LARGE1: variants seen among roughly 807,000 people sequenced by gnomAD.
LARGE1 encodes the protein xylosyl- and glucuronyltransferase LARGE1.
Under a neutral mutation model 87.6 loss-of-function variants are expected in LARGE1, and 43 were observed. That is an observed-to-expected ratio of 0.49 (90% CI 0.38 to 0.63). The LOEUF (loss-of-function observed/expected upper bound fraction) is 0.63, where lower values mean the gene tolerates loss of function less well. LARGE1 is among the 30% of genes least tolerant of loss of function. The pLI is 0.00. For synonymous variants in LARGE1, 434 were observed against 394.6 expected, an observed-to-expected ratio of 1.10 and a Z score of -1.18; for missense variants, 802 against 1,000.2, an observed-to-expected ratio of 0.80 and a Z score of 2.67.
In LARGE1 at chr22:33,588,083, G is replaced by A. The variant is rs16992591; in HGVS notation, c.615+16352C>T. 5.7e-3 allele frequency among the ~76,000 whole-genome samples: 870 copies of A among 152,276 alleles called. 11 individuals carry two copies. The highest frequency in any genetic ancestry group is 0.019 in the African/African-American group (810 of 41,540). On this transcript the variant is annotated intron_variant, in intron 5 of 14. Transcript: ENST00000397394. ...GGAATCCTCCGTGCTGAATGAAACA[G>A]CCTCAAAATTCTTACCAAGACTTCT... is the stretch of plus-strand genomic sequence containing the variant.
chr22:33,204,188 T>C (rs572089675), intron 11 of LARGE1, among the ~76,000 whole-genome samples: 1 of 152,134 alleles, frequency 6.6e-6, no homozygotes, highest in Non-Finnish European at 1.5e-5. Context: ...AGAGAAGAAG[T>C]ACCCGAATTG....
chr22:33,744,152 TCTC>T (rs2083993171), intron 2 of LARGE1: 1 of 152,210 alleles, frequency 6.6e-6, no homozygotes, highest in East Asian at 1.9e-4. Flanking sequence ...CAATACATGA[TCTC>T]CTCAAAAACG....
chr22:33,613,782 GCAC>G (rs1747031842), intron 4 of LARGE1, among the ~76,000 whole-genome samples: 4 of 152,226 alleles, frequency 2.6e-5, no homozygotes. Context: ...AGCTCCCAGA[GCAC>G]CACCTGACAC....
At chr22:33,403,873 C>T (rs947763277) in intron 7 of LARGE1, among the ~76,000 whole-genome samples, 6 of 152,190 alleles carry the variant, frequency 3.9e-5, no homozygotes, top group Non-Finnish European at 8.8e-5. Context: ...GTTGGGATTA[C>T]AGGCGTGAGC....
intron 1 of LARGE1, among the ~76,000 whole-genome samples, chr22:33,784,206 G>C (rs1437684257): frequency 2.0e-5 from 3 of 152,116 alleles, no homozygotes; most frequent in Non-Finnish European, 2.9e-5. Flanking sequence ...ATTACGACTT[G>C]CAGTAGTATT....
chr22:33,484,911 G>GTT (rs545498648), intron 6 of LARGE1, among the ~76,000 whole-genome samples: 2,691 of 130,334 alleles, frequency 0.021, 113 homozygotes, highest in African/African-American at 0.072. Flanking sequence ...TAATGAGGTG[G>GTT]TTTTTTTTTT....
intron 2 of LARGE1, among the ~76,000 whole-genome samples, chr22:33,711,550 T>C (rs2149404100): frequency 6.6e-6 from 1 of 152,322 alleles, no homozygotes; most frequent in South Asian, 2.1e-4. Flanking sequence ...ACAGGAAAAC[T>C]GCCTGCTACC....
At chr22:33,282,830 A>G (rs547672135) in intron 13 of LARGE1, among the ~76,000 whole-genome samples, 5 of 152,178 alleles carry the variant, frequency 3.3e-5, no homozygotes, top group Non-Finnish European at 5.9e-5. Context: ...TACCAGACGA[A>G]TGAATGGACA....
At chr22:33,087,663 G>T in the LARGE1 span, among the ~76,000 whole-genome samples, 2 of 152,144 alleles carry the variant, frequency 1.3e-5, no homozygotes, top group African/African-American at 2.4e-5. Context: ...GGCCGGGCGT[G>T]GTGGCTCAGA....
the LARGE1 span, among the ~76,000 whole-genome samples, chr22:33,104,939 C>T: frequency 1.4e-5 from 2 of 141,600 alleles, no homozygotes; most frequent in East Asian, 2.1e-4. Context: ...TTCTTTCTTT[C>T]TTTCTTTCTC....
At chr22:33,153,531 G>T in the LARGE1 span, among the ~76,000 whole-genome samples, 1 of 152,180 alleles carries the variant, frequency 6.6e-6, no homozygotes, top group Non-Finnish European at 1.5e-5. Context: ...CTTAAGGTTT[G>T]TTGTGGGTGA....
At chr22:33,866,545 T>C (rs1372666687) in intron 1 of LARGE1, among the ~76,000 whole-genome samples, 1 of 152,170 alleles carries the variant, frequency 6.6e-6, no homozygotes, top group African/African-American at 2.4e-5. Flanking sequence ...TGTGTGACCT[T>C]GGGTGAGTTA....
intron 2 of LARGE1, among the ~76,000 whole-genome samples, chr22:33,748,225 G>C (rs376002049): frequency 6.7e-6 from 1 of 149,582 alleles, no homozygotes; most frequent in African/African-American, 2.5e-5. Flanking sequence ...TCCACCTCCC[G>C]GGTTCAAGCG....
downstream of LARGE1, among the ~76,000 whole-genome samples, chr22:33,161,476 C>T (rs374096445): frequency 9.2e-5 from 14 of 152,238 alleles, no homozygotes; most frequent in East Asian, 1.9e-3. Flanking sequence ...TTCCTTCCAC[C>T]GATGAACTTG....
chr22:33,700,872 AAG>A (rs908422432), intron 2 of LARGE1, among the ~76,000 whole-genome samples: 4 of 152,212 alleles, frequency 2.6e-5, no homozygotes, highest in Non-Finnish European at 5.9e-5. Context: ...AAAGGTTGAC[AAG>A]GCATGAGAGA....
At chr22:33,174,275 G>T (rs923317644) in intron 11 of LARGE1, among the ~76,000 whole-genome samples, 6 of 152,092 alleles carry the variant, frequency 3.9e-5, no homozygotes, top group Non-Finnish European at 7.4e-5. Flanking sequence ...CAGAAATAAA[G>T]ATGTTCTTTG....
intron 11 of LARGE1, among the ~76,000 whole-genome samples, chr22:33,190,736 T>C (rs1033543133): frequency 6.6e-6 from 1 of 152,202 alleles, no homozygotes; most frequent in African/African-American, 2.4e-5. Flanking sequence ...TCTTGGTCTT[T>C]GTTCTCCATA....
intron 11 of LARGE1, among the ~76,000 whole-genome samples, chr22:33,213,978 G>A (rs1473584146): frequency 2.0e-5 from 3 of 152,108 alleles, no homozygotes; most frequent in Non-Finnish European, 2.9e-5. Flanking sequence ...ACAGCCGCCC[G>A]CCAGCACGCC....
intron 1 of LARGE1, among the ~76,000 whole-genome samples, chr22:33,872,673 A>G (rs2064332316): frequency 6.6e-6 from 1 of 152,168 alleles, no homozygotes; most frequent in Non-Finnish European, 1.5e-5. Flanking sequence ...ACTGGCAGGA[A>G]GAGCCAGAAA....
Sources: allele counts gnomAD v4.1 joint callset (sites outside exome capture counted in the v4.1 genomes callset), GRCh38; gene constraint gnomAD v4.1.1; transcripts MANE v1.5; gene names NCBI Gene and HGNC (gene_info 2026-07-23, HGNC 2026-07-21).